Variants in ATM observed in about 807,000 individuals in gnomAD.
ATM encodes ATM serine/threonine kinase.
A neutral mutation model predicts 387.0 loss-of-function variants in ATM; 308 were observed. The observed-to-expected ratio is 0.80, with a 90% CI of 0.73 to 0.87. ATM has a LOEUF of 0.87. Among genes scored for constraint, ATM ranks in the 40% least tolerant of loss-of-function variants. The probability of loss-of-function intolerance (pLI) is 0.00; values close to 1 mark genes in which losing one functional copy is unlikely to be tolerated. For synonymous variants in ATM, 1,156 were observed against 1,187.3 expected, an observed-to-expected ratio of 0.97 and a Z score of 0.54; for missense variants, 3,312 against 3,560.9, an observed-to-expected ratio of 0.93 and a Z score of 1.78.
chr11:108,237,463 T>TA (rs1324044580), intron 5 of ATM, among the ~76,000 whole-genome samples: 1 of 152,116 alleles, frequency 6.6e-6, no homozygotes, highest in East Asian at 1.9e-4. Flanking sequence ...TAACTACTCT[T>TA]ACTTCTTTTT....
intron 5 of ATM, 178 bp downstream of exon 5, chr11:108,236,012 G>C (rs1837886807): frequency 1.5e-6 from 1 of 669,938 alleles, no homozygotes; most frequent in Admixed American, 2.6e-5. Flanking sequence ...TGTAGCTTTT[G>C]AATAAAGTCA....
chr11:108,256,824 A>T (rs1167327971), intron 14 of ATM, among the ~76,000 whole-genome samples: 2 of 152,120 alleles, frequency 1.3e-5, no homozygotes, highest in African/African-American at 4.8e-5. Flanking sequence ...AGCTTCATCC[A>T]TGTCCCTGCA....
chr11:108,243,260 C>G (rs1460331827), intron 5 of ATM, among the ~76,000 whole-genome samples: 3 of 151,900 alleles, frequency 2.0e-5, no homozygotes, highest in Non-Finnish European at 4.4e-5. Flanking sequence ...AATTTCATAC[C>G]CTTCATAGGT....
At chr11:108,285,421 G>A (rs372770447) in intron 26 of ATM, among the ~76,000 whole-genome samples, 26 of 151,020 alleles carry the variant, frequency 1.7e-4, no homozygotes, top group East Asian at 7.7e-4. Context: ...AAAAAGCTTC[G>A]TTTGTTTTAT....
intron 61 of ATM, among the ~76,000 whole-genome samples, chr11:108,359,208 C>T (rs1446346228): frequency 6.6e-6 from 1 of 151,624 alleles, no homozygotes. Context: ...AAGGCCATTA[C>T]ATAATGGTAA....
At chr11:108,340,908 T>G (rs2087479495) in intron 56 of ATM, among the ~76,000 whole-genome samples, 1 of 152,224 alleles carries the variant, frequency 6.6e-6, no homozygotes, top group African/African-American at 2.4e-5. Context: ...TTTTAAAATT[T>G]TTATTTTTTA....
At position 108,252,002 on chromosome 11, in the gene ATM, T is replaced by C. The variant is rs61734356; in HGVS notation, c.1773T>C (p.Asn591=). 260 of 1,613,130 alleles carry C rather than the reference T, an allele frequency of 1.6e-4. No individual in the cohort carries two copies. The highest frequency in any genetic ancestry group is 2.1e-4 in the Non-Finnish European group (243 of 1,179,722). ...ATCAGTTAGAGGGTGACTTAGAAAA[T>C]AGCACAGAAGTGCCTCCAATTCTTC... ...LFYQLEGDLE[N]STEVPPILHS... The change falls in exon 11 of 63, where the codon AAT becomes AAC. Residue 591 remains asparagine, a synonymous_variant. Coordinates refer to ENST00000675843, the MANE Select transcript of ATM (RefSeq NM_000051.4).
Position 108,349,600 on chromosome 11 carries a change from T to C in ATM, c.8671+2235T>C, listed in dbSNP as rs191230009. ...ATCACTTGAACCCAGGAAGCAGAGG[T>C]TGCAGTGAGCTAAGATCATGCCACT... On this transcript the variant is annotated intron_variant, in intron 59 of 62. Transcript: ENST00000675843. Among the ~76,000 whole-genome samples, 263 of 152,122 alleles carry C rather than the reference T, an allele frequency of 1.7e-3. 1 individual carries two copies. Among genetic ancestry groups the C allele is most frequent in the Non-Finnish European group, 2.7e-3 (184 of 67,984 alleles).
chr11:108,237,210 C>T (rs1422458940), intron 5 of ATM, among the ~76,000 whole-genome samples: 1 of 152,158 alleles, frequency 6.6e-6, no homozygotes, highest in Non-Finnish European at 1.5e-5. Flanking sequence ...ACTCTGAACA[C>T]AAGATAGGCT....
rs2136014385 is a variant in ATM at position 108,310,216 on chromosome 11, A to T, written c.5819A>T (p.Glu1940Val). ...TTCTGGCTGGATTTAAATTATCTAG[A>T]AGTTGCCAAGGTAGCTCAGTCTTGT... is the stretch of plus-strand genomic sequence containing the variant. ...DAFWLDLNYL[E>V]VAKVAQSCAA... Residue 1940 changes from glutamate (E) to valine (V), a missense_variant, in exon 39 of 63, where the codon GAA (glutamate) becomes GTA (valine). Physicochemically the swap from Glu to Val is moderately radical, Grantham distance 121. Around this residue, in one of 4 missense-constraint regions of ATM, gnomAD observed 1,405 missense variants for 1,604.4 expected, o/e 0.88. Transcript: ENST00000675843. The T allele has an allele frequency of 6.2e-7, 1 of 1,613,660 alleles. No individual in the cohort carries two copies. Among genetic ancestry groups the T allele is most frequent in the Non-Finnish European group, 8.5e-7 (1 of 1,179,764 alleles).
At chr11:108,340,474 C>T (rs1052456675) in intron 56 of ATM, 1 of 152,154 alleles carries the variant, frequency 6.6e-6, no homozygotes, top group Non-Finnish European at 1.5e-5. Flanking sequence ...TCATTTTAAA[C>T]TCTTGTTTCT....
rs2135264983 is a variant in ATM, at chr11:108,246,986, G to A, written c.924G>A (p.Trp308Ter). 6.2e-7 allele frequency: 1 copy of A among 1,611,754 alleles called. No individual in the cohort carries two copies. The highest frequency in any genetic ancestry group is 1.1e-5 in the South Asian group (1 of 90,912). The change falls in exon 8 of 63, where the codon TGG (tryptophan) becomes TGA (stop). Residue 308 changes from tryptophan to a stop codon, truncating the protein, a stop_gained. Coordinates refer to ENST00000675843, the MANE Select transcript of ATM (RefSeq NM_000051.4). LOFTEE classifies it high-confidence loss of function. ...CAGGTGCTTATGAATCAACAAAATGGAGAAGTATTTTATACAACTTATATG... is the reference window on the plus strand; with the variant it reads ...CAGGTGCTTATGAATCAACAAAATGAAGAAGTATTTTATACAACTTATATG... ...QEKGAYESTKWRSILYNLYDL... is the reference protein window; with the variant it reads ...QEKGAYESTK
intron 2 of ATM, 28 bp from the exon 3 acceptor site, chr11:108,227,748 C>T (rs2135009258): frequency 6.2e-7 from 1 of 1,611,326 alleles, no homozygotes; most frequent in Non-Finnish European, 8.5e-7. Flanking sequence ...TGATTAGTAA[C>T]CCATTATTAT....
chr11:108,267,022 C>G (rs2081289847), intron 16 of ATM, 149 bp from the exon 17 acceptor site: 1 of 744,888 alleles, frequency 1.3e-6, no homozygotes, highest in Non-Finnish European at 2.3e-6. Flanking sequence ...TTTCGAACTC[C>G]CGACCTCAGG....
chr11:108,284,291 A>AG lies in ATM; in HGVS notation c.3811_3812insG (p.Ile1271SerfsTer3). The AG allele has an allele frequency of 6.2e-7, 1 of 1,613,780 alleles. No individual in the cohort carries two copies. The highest frequency in any genetic ancestry group is 1.1e-5 in the South Asian group (1 of 91,082). On this transcript the variant is annotated frameshift_variant, in exon 26 of 63. Transcript: ENST00000675843. LOFTEE classifies it high-confidence loss of function. ...AAGTCATTTTGATGAGGTGAAGTCC[A>AG]TTGCTAATCAGATTCAAGAGGACTG... is the stretch of plus-strand genomic sequence containing the variant.
rs2080162473 is a variant in ATM at position 108,251,833 on chromosome 11, A to G, written c.1608-4A>G. ...TTTCACAATTGTCCTTTGTTTTGTTATAGTCCTGCAGTATGCTGTTTGACT... is the reference window on the plus strand; with the variant it reads ...TTTCACAATTGTCCTTTGTTTTGTTGTAGTCCTGCAGTATGCTGTTTGACT... On this transcript the variant is annotated splice_region_variant and splice_polypyrimidine_tract_variant and intron_variant, in intron 10 of 62. Coordinates refer to ENST00000675843, the MANE Select transcript of ATM (RefSeq NM_000051.4). The G allele has an allele frequency of 1.9e-6, 3 of 1,613,712 alleles. No individual in the cohort carries two copies. Among genetic ancestry groups the G allele is most frequent in the East Asian group, 2.2e-5 (1 of 44,848 alleles).
At chr11:108,296,522 G>T (rs1408557617) in intron 32 of ATM, among the ~76,000 whole-genome samples, 1 of 152,148 alleles carries the variant, frequency 6.6e-6, no homozygotes, top group Non-Finnish European at 1.5e-5. Context: ...AAAGTGCTGG[G>T]ATTACAGGCG....
chr11:108,243,943 T>C lies in ATM; in HGVS notation c.497-10T>C. The C allele has an allele frequency of 6.5e-7, 1 of 1,534,228 alleles. No homozygotes were observed. Among genetic ancestry groups the C allele is most frequent in the South Asian group, 1.3e-5 (1 of 79,550 alleles). On this transcript the variant is annotated splice_polypyrimidine_tract_variant and intron_variant, in intron 5 of 62. Transcript: ENST00000675843. ...AAAATCATGACTAATAATTTTTTTTTTTTTTTAAGAATTGTTCTCTGTGTA... is the reference window on the plus strand; with the variant it reads ...AAAATCATGACTAATAATTTTTTTTCTTTTTTAAGAATTGTTCTCTGTGTA...
intron 61 of ATM, among the ~76,000 whole-genome samples, chr11:108,362,723 C>A (rs1405899524): frequency 6.9e-6 from 1 of 144,760 alleles, no homozygotes; most frequent in African/African-American, 2.6e-5. Flanking sequence ...ACCGCATATT[C>A]TCACTCATAG....
Sources: allele counts gnomAD v4.1 joint callset (sites outside exome capture counted in the v4.1 genomes callset), GRCh38; gene constraint gnomAD v4.1.1; regional missense constraint gnomAD v4.1.1; transcripts MANE v1.5; gene names NCBI Gene and HGNC (gene_info 2026-07-23, HGNC 2026-07-21).